ATP8A2: variants seen among roughly 807,000 people sequenced by gnomAD.
ATP8A2 encodes the protein ATPase phospholipid transporting 8A2.
A neutral mutation model predicts 165.6 loss-of-function variants in ATP8A2; 100 were observed. The observed-to-expected ratio is 0.60, with a 90% CI of 0.51 to 0.71. ATP8A2 has a LOEUF of 0.71. Ranked by LOEUF, ATP8A2 falls within the 30% of genes least tolerant of loss-of-function variation. The probability of loss-of-function intolerance (pLI) is 0.00; values close to 1 mark genes in which losing one functional copy is unlikely to be tolerated. For missense variants in ATP8A2, 1,227 were observed against 1,479.5 expected (o/e 0.83, Z 2.80); for synonymous variants, 543 against 548.8 (o/e 0.99, Z 0.15).
intron 27 of ATP8A2, among the ~76,000 whole-genome samples, chr13:25,817,022 T>C (rs1951040921): frequency 6.6e-6 from 1 of 152,204 alleles, no homozygotes; most frequent in Admixed American, 6.5e-5. Flanking sequence ...TATACATATT[T>C]CTGCTACCCC....
Position 25,530,036 on chromosome 13 carries a change from T to C in ATP8A2, c.259T>C (p.Phe87Leu). The change falls in exon 3 of 37, where the codon TTC (phenylalanine) becomes CTC (leucine). Residue 87 changes from phenylalanine to leucine, a missense_variant. Physicochemically the swap from Phe to Leu is conservative, Grantham distance 22. Around this residue, in one of 5 missense-constraint regions of ATP8A2, gnomAD observed 356 missense variants for 394.9 expected, o/e 0.90. Transcript: ENST00000381655. The part of the protein sequence containing the change: ...KYSVLTFLPR[F>L]LYEQIRRAAN... ...CAGCGTGTTGACATTTCTACCTCGA[T>C]TCTTGTATGAGCAGATTAGAAGAGC... is the stretch of plus-strand genomic sequence containing the variant. The C allele has an allele frequency of 6.2e-7, 1 of 1,612,998 alleles. No homozygotes were observed. Among genetic ancestry groups the C allele is most frequent in the Non-Finnish European group, 8.5e-7 (1 of 1,179,184 alleles).
intron 15 of ATP8A2, among the ~76,000 whole-genome samples, chr13:25,560,028 A>G (rs987095987): frequency 1.3e-5 from 2 of 152,054 alleles, no homozygotes; most frequent in African/African-American, 2.4e-5. Context: ...AGGTCTCACT[A>G]TGTTGCTCAG....
intron 1 of ATP8A2, among the ~76,000 whole-genome samples, chr13:25,440,146 C>G (rs957495659): frequency 6.6e-6 from 1 of 151,926 alleles, no homozygotes; most frequent in Non-Finnish European, 1.5e-5. Flanking sequence ...GAGCTCTACA[C>G]AGATGCTGGG....
intron 25 of ATP8A2, among the ~76,000 whole-genome samples, chr13:25,718,527 C>T (rs1171402450): frequency 6.6e-6 from 1 of 152,098 alleles, no homozygotes; most frequent in Non-Finnish European, 1.5e-5. Flanking sequence ...TATTTTGCTG[C>T]CATTCTATTG....
intron 1 of ATP8A2, among the ~76,000 whole-genome samples, chr13:25,465,060 T>C (rs1031235404): frequency 3.9e-5 from 6 of 152,208 alleles, no homozygotes; most frequent in African/African-American, 1.4e-4. Flanking sequence ...TTTATTGAAC[T>C]CCCACTCTCT....
At chr13:25,670,954 A>C (rs2042250141) in intron 24 of ATP8A2, among the ~76,000 whole-genome samples, 1 of 152,308 alleles carries the variant, frequency 6.6e-6, no homozygotes, top group South Asian at 2.1e-4. Flanking sequence ...AGTTCTGTTA[A>C]GTGTCTTGCT....
At chr13:25,384,912 A>C (rs1023709982) in intron 1 of ATP8A2, among the ~76,000 whole-genome samples, 4 of 152,196 alleles carry the variant, frequency 2.6e-5, no homozygotes, top group African/African-American at 9.6e-5. Flanking sequence ...GCTGTGTGAC[A>C]CTGCCTTGAG....
chr13:25,794,820 T>TAC (rs3053488), intron 27 of ATP8A2, among the ~76,000 whole-genome samples: 50,948 of 139,100 alleles, frequency 0.37, 9,498 homozygotes, highest in East Asian at 0.57. Flanking sequence ...TTCCCTCTCC[T>TAC]ACACACACAC....
intron 2 of ATP8A2, among the ~76,000 whole-genome samples, chr13:25,486,510 T>C (rs1185224624): frequency 6.6e-6 from 1 of 152,218 alleles, no homozygotes; most frequent in Non-Finnish European, 1.5e-5. Context: ...ATGATGAATT[T>C]TGATATTTTG....
intron 30 of ATP8A2, among the ~76,000 whole-genome samples, chr13:25,850,115 G>T (rs1951968428): frequency 6.6e-6 from 1 of 152,166 alleles, no homozygotes; most frequent in African/African-American, 2.4e-5. Flanking sequence ...TCCTGAATTT[G>T]CAAAAGGCAA....
At chr13:25,480,209 G>C (rs997336013) in intron 2 of ATP8A2, among the ~76,000 whole-genome samples, 6 of 151,242 alleles carry the variant, frequency 4.0e-5, no homozygotes, top group Admixed American at 3.9e-4. Flanking sequence ...TGGCTGGCCG[G>C]GCAGAGGGGC....
chr13:25,725,211 A>G (rs1179204049), intron 25 of ATP8A2, among the ~76,000 whole-genome samples: 2 of 152,240 alleles, frequency 1.3e-5, no homozygotes, highest in African/African-American at 2.4e-5. Flanking sequence ...TCATTCTTCC[A>G]GTTTCTCTTA....
At chr13:25,739,757 T>C (rs1186353522) in intron 25 of ATP8A2, among the ~76,000 whole-genome samples, 1 of 151,976 alleles carries the variant, frequency 6.6e-6, no homozygotes, top group Non-Finnish European at 1.5e-5. Flanking sequence ...AGGGGAGATA[T>C]CAAAAATCTG....
At chr13:25,507,359 A>G (rs924630544) in intron 2 of ATP8A2, among the ~76,000 whole-genome samples, 4 of 151,684 alleles carry the variant, frequency 2.6e-5, no homozygotes, top group Non-Finnish European at 4.4e-5. Context: ...TCCGCCTCCC[A>G]GGTTCTAGCA....
rs1196692322 is a variant in ATP8A2 at position 25,372,093 on chromosome 13, A to G, written c.-120A>G. 2 of 635,696 alleles carry G rather than the reference A, an allele frequency of 3.1e-6. No individual in the cohort carries two copies. Among genetic ancestry groups the G allele is most frequent in the Non-Finnish European group, 4.4e-6 (2 of 456,604 alleles). The allele number at this position is 635,696 out of a possible 1,614,324, so 39.4% of individuals were successfully genotyped here. A position where few individuals can be genotyped will look rare whatever the true frequency, so the allele number is the denominator to read the frequency against. ...GGCACAGGCGCCGGCGGTCCCCGCC[A>G]GCTAGCAGCCCGGCGAGGCGCTGGC... On this transcript the variant is annotated 5_prime_UTR_variant, in exon 1 of 37. Coordinates refer to ENST00000381655, the MANE Select transcript of ATP8A2 (RefSeq NM_016529.6). This position sits in a 1 kb window ranked among gnomAD's most constrained non-coding sequence, Gnocchi z 4.8.
At chr13:25,873,297 A>G (rs1468407886) in intron 33 of ATP8A2, among the ~76,000 whole-genome samples, 3 of 152,224 alleles carry the variant, frequency 2.0e-5, no homozygotes, top group Non-Finnish European at 2.9e-5. Flanking sequence ...AGTGGAGTTT[A>G]TAAATCAAGA....
chr13:25,538,629 T>C (rs1466136619), intron 7 of ATP8A2, among the ~76,000 whole-genome samples: 1 of 152,220 alleles, frequency 6.6e-6, no homozygotes, highest in Non-Finnish European at 1.5e-5. Flanking sequence ...CTTGACTTTT[T>C]TGGGGCTTGG....
At chr13:25,491,728 A>G (rs2036533993) in intron 2 of ATP8A2, among the ~76,000 whole-genome samples, 1 of 152,150 alleles carries the variant, frequency 6.6e-6, no homozygotes, top group Admixed American at 6.5e-5. Context: ...AGTTTGGTAA[A>G]TTTTTCCTAG....
intron 36 of ATP8A2, among the ~76,000 whole-genome samples, chr13:26,015,332 G>C (rs1395010564): frequency 6.6e-6 from 1 of 152,128 alleles, no homozygotes; most frequent in Non-Finnish European, 1.5e-5. Flanking sequence ...CTCAGCCTTT[G>C]ATGTTCCGCC....
Sources: allele counts gnomAD v4.1 joint callset (sites outside exome capture counted in the v4.1 genomes callset), GRCh38; gene constraint gnomAD v4.1.1; regional missense constraint gnomAD v4.1.1; non-coding constraint Gnocchi (gnomAD v3.1); transcripts MANE v1.5; gene names NCBI Gene and HGNC (gene_info 2026-07-23, HGNC 2026-07-21).